LRP1B: variants seen among roughly 807,000 people sequenced by gnomAD.
LRP1B encodes the protein LDL receptor related protein 1B, also known as low-density lipoprotein receptor-related protein 1B.
Under a neutral mutation model 556.6 loss-of-function variants are expected in LRP1B, and 217 were observed. That is an observed-to-expected ratio of 0.39 (90% CI 0.35 to 0.44). The LOEUF (loss-of-function observed/expected upper bound fraction) is 0.44, where lower values mean the gene tolerates loss of function less well. Among genes scored for constraint, LRP1B ranks in the 20% least tolerant of loss-of-function variants. The pLI is 1.00. For synonymous variants in LRP1B, 2,047 were observed against 1,865.8 expected, an observed-to-expected ratio of 1.10 and a Z score of -2.50; for missense variants, 5,053 against 5,620.8, an observed-to-expected ratio of 0.90 and a Z score of 3.23.
At chr2:141,444,115 G>A (rs1166640249) in intron 3 of LRP1B, among the ~76,000 whole-genome samples, 1 of 152,004 alleles carries the variant, frequency 6.6e-6, no homozygotes, top group African/African-American at 2.4e-5. Context: ...CTTGAGCAGT[G>A]GTTTGTTTTT....
At chr2:141,737,279 G>T (rs1336569657) in intron 2 of LRP1B, among the ~76,000 whole-genome samples, 1 of 152,162 alleles carries the variant, frequency 6.6e-6, no homozygotes, top group Non-Finnish European at 1.5e-5. Context: ...TTGAACCTGG[G>T]AAGTGGAGGT....
In LRP1B at chr2:140,456,613, A is replaced by G. The variant is rs2105322316; in HGVS notation, c.9815-10T>C. ...CAGAGATGTTTGGAGACTAAAGATA[A>G]GAAAGAAACAACAACAACAAAACAG... On this transcript the variant is annotated splice_polypyrimidine_tract_variant and intron_variant, in intron 61 of 90. Coordinates refer to ENST00000389484, the MANE Select transcript of LRP1B (RefSeq NM_018557.3). The G allele has an allele frequency of 6.2e-7, 1 of 1,603,766 alleles. No homozygotes were observed. Among genetic ancestry groups the G allele is most frequent in the Non-Finnish European group, 8.5e-7 (1 of 1,174,804 alleles).
chr2:141,464,606 A>ATATATTTTTTTTTTTTTTTTTTTT, intron 3 of LRP1B, among the ~76,000 whole-genome samples: 7 of 90,536 alleles, frequency 7.7e-5, no homozygotes, highest in South Asian at 3.2e-4. Context: ...ATATATATAT[A>ATATATTTTTTTTTTTTTTTTTTTT]TTTTTTTAGT....
chr2:141,510,875 T>TA (rs1205808828), intron 2 of LRP1B, among the ~76,000 whole-genome samples: 1 of 44,156 alleles, frequency 2.3e-5, no homozygotes, highest in East Asian at 6.8e-4. Context: ...CTTCCTTGTC[T>TA]AAACACACAC....
At chr2:140,473,753 T>C (rs1444150746) in intron 60 of LRP1B, among the ~76,000 whole-genome samples, 2 of 151,882 alleles carry the variant, frequency 1.3e-5, no homozygotes, top group African/African-American at 4.8e-5. Flanking sequence ...GTAATACATA[T>C]ACAACCTCCT....
At chr2:141,440,527 C>T (rs999049293) in intron 3 of LRP1B, among the ~76,000 whole-genome samples, 7 of 152,230 alleles carry the variant, frequency 4.6e-5, no homozygotes, top group Non-Finnish European at 7.3e-5. Context: ...GAGGGCTGGG[C>T]ATGACCTGTC....
intron 1 of LRP1B, among the ~76,000 whole-genome samples, chr2:141,975,693 C>T (rs1701867495): frequency 6.6e-6 from 1 of 152,000 alleles, no homozygotes; most frequent in African/African-American, 2.4e-5. Context: ...TGCAAGTGAC[C>T]AGGCATTAAA....
chr2:141,985,747 T>C (rs537965332), intron 1 of LRP1B, among the ~76,000 whole-genome samples: 1 of 152,088 alleles, frequency 6.6e-6, no homozygotes, highest in South Asian at 2.1e-4. Flanking sequence ...TGCCAATATT[T>C]TTTAGCTCTA....
chr2:140,582,566 G>A (rs775607439), intron 43 of LRP1B, among the ~76,000 whole-genome samples: 5 of 152,116 alleles, frequency 3.3e-5, no homozygotes, highest in Non-Finnish European at 7.4e-5. Context: ...CCTTATACAA[G>A]AGCCTAAGTG....
chr2:140,863,427 T>C (rs1350876339), intron 27 of LRP1B, among the ~76,000 whole-genome samples: 2 of 152,340 alleles, frequency 1.3e-5, no homozygotes, highest in African/African-American at 4.8e-5. Flanking sequence ...TCAGAATCTC[T>C]GGGTAACGCC....
intron 1 of LRP1B, among the ~76,000 whole-genome samples, chr2:141,843,254 G>A (rs758253623): frequency 1.2e-4 from 19 of 152,060 alleles, no homozygotes; most frequent in Non-Finnish European, 2.6e-4. Context: ...TATTTATATA[G>A]GACAATGTTC....
At chr2:142,100,478 A>G (rs902643072) in intron 1 of LRP1B, among the ~76,000 whole-genome samples, 1 of 152,038 alleles carries the variant, frequency 6.6e-6, no homozygotes, top group African/African-American at 2.4e-5. Flanking sequence ...GCAGATTTTC[A>G]AAAGTAAATT....
At chr2:141,375,548 C>T (rs1689396717) in intron 3 of LRP1B, among the ~76,000 whole-genome samples, 1 of 152,020 alleles carries the variant, frequency 6.6e-6, no homozygotes, top group African/African-American at 2.4e-5. Context: ...CTCTCCAGTC[C>T]CACAGCTCCA....
At chr2:142,079,986 T>C (rs1306499519) in intron 1 of LRP1B, among the ~76,000 whole-genome samples, 1 of 152,168 alleles carries the variant, frequency 6.6e-6, no homozygotes, top group African/African-American at 2.4e-5. Context: ...TTCAATTTGA[T>C]TCCTTTCCTT....
intron 83 of LRP1B, among the ~76,000 whole-genome samples, chr2:140,301,620 T>C (rs1683826435): frequency 6.6e-6 from 1 of 152,036 alleles, no homozygotes; most frequent in African/African-American, 2.4e-5. Context: ...TATCTTAATA[T>C]ATTACTTTCT....
rs545714395 is a variant in LRP1B at position 141,766,940 on chromosome 2, C to T, written c.205+43339G>A. On this transcript the variant is annotated intron_variant, in intron 2 of 90. Transcript: ENST00000389484. ...ATAGAGAGGGGAAGAAAATAAACCCCTCTAATACAGTTTGATTAATAATTT... is the reference window on the plus strand; with the variant it reads ...ATAGAGAGGGGAAGAAAATAAACCCTTCTAATACAGTTTGATTAATAATTT... 2.0e-5 allele frequency among the ~76,000 whole-genome samples: 3 copies of T among 152,256 alleles called. No individual in the cohort carries two copies. In the South Asian group the frequency reaches 6.2e-4, roughly 32 times the overall value.
intron 2 of LRP1B, among the ~76,000 whole-genome samples, chr2:141,634,768 T>G (rs355600): frequency 0.85 from 129,750 of 151,916 alleles, 55,748 homozygotes; most frequent in East Asian, 0.99. Flanking sequence ...ATTGACAGGA[T>G]TTTAGTGGTG....
intron 1 of LRP1B, among the ~76,000 whole-genome samples, chr2:142,023,970 C>A (rs770230764): frequency 6.6e-6 from 1 of 152,106 alleles, no homozygotes; most frequent in Middle Eastern, 3.2e-3. Context: ...TTTTGAGATA[C>A]ATTTTCAGTC....
intron 7 of LRP1B, among the ~76,000 whole-genome samples, chr2:141,095,548 T>C (rs1306868927): frequency 1.3e-5 from 2 of 151,694 alleles, no homozygotes; most frequent in Non-Finnish European, 2.9e-5. Flanking sequence ...CTTTCACTAG[T>C]GTCTTTCATT....
Sources: gnomAD v4.1 joint callset for allele counts (sites outside exome capture counted in the v4.1 genomes callset) on GRCh38, gnomAD v4.1.1 for gene constraint, MANE v1.5 for transcripts, NCBI Gene and HGNC (gene_info 2026-07-23, HGNC 2026-07-21) for gene names.